Variants in IFI16 observed in about 807,000 individuals in gnomAD.
IFI16 encodes gamma-interferon-inducible protein 16.
In IFI16, 49 loss-of-function variants were observed where a neutral mutation model predicts 68.4. The ratio of observed to expected loss-of-function variants is 0.72; its 90% CI spans 0.57 to 0.91. IFI16 has a LOEUF of 0.91. Ranked by LOEUF, IFI16 falls within the 40% of genes least tolerant of loss-of-function variation. The probability of loss-of-function intolerance (pLI) is 0.00; values close to 1 mark genes in which losing one functional copy is unlikely to be tolerated. For missense variants in IFI16, 878 were observed against 942.9 expected (o/e 0.93, Z 0.90); for synonymous variants, 307 against 315.0 (o/e 0.97, Z 0.27).
At chr1:159,013,273 A>G (rs1015654886) in intron 1 of IFI16, among the ~76,000 whole-genome samples, 1 of 143,350 alleles carries the variant, frequency 7.0e-6, no homozygotes, top group African/African-American at 2.6e-5. Flanking sequence ...GGTTCAAGCA[A>G]TTCTCCTGCC....
At chr1:159,038,680 A>G (rs1202473280) in intron 7 of IFI16, among the ~76,000 whole-genome samples, 1 of 152,178 alleles carries the variant, frequency 6.6e-6, no homozygotes, top group Non-Finnish European at 1.5e-5. Context: ...ATGTTCTTAA[A>G]GTCTTTCATT....
intron 10 of IFI16, chr1:159,053,322 CAAAG>C: frequency 2.6e-6 from 1 of 387,398 alleles, no homozygotes; most frequent in Non-Finnish European, 4.6e-6. Flanking sequence ...ATCCAGCAGA[CAAAG>C]AACTTCAACA....
intron 7 of IFI16, among the ~76,000 whole-genome samples, chr1:159,035,644 CAGGTGAGTATAGTCTTGTT>C (rs1654278227): frequency 6.6e-6 from 1 of 151,904 alleles, no homozygotes; most frequent in Admixed American, 6.6e-5. Context: ...TAGTGACTCG[CAGGTGAGTATAGTCTTGTT>C]CCACTGATCA....
chr1:159,028,716 A>G (rs1026456584), intron 6 of IFI16, among the ~76,000 whole-genome samples: 5 of 151,966 alleles, frequency 3.3e-5, no homozygotes, highest in Non-Finnish European at 4.4e-5. Context: ...GGATTGTGAC[A>G]TTTTCCTATT....
chr1:159,029,602 C>T (rs1251698331), intron 6 of IFI16, among the ~76,000 whole-genome samples: 2 of 151,722 alleles, frequency 1.3e-5, no homozygotes, highest in African/African-American at 2.4e-5. Context: ...TTAGATTTGT[C>T]TTCTTCCTCG....
chr1:159,035,596 A>G (rs1654273741), intron 7 of IFI16, among the ~76,000 whole-genome samples: 1 of 151,926 alleles, frequency 6.6e-6, no homozygotes, highest in African/African-American at 2.4e-5. Context: ...GGTGTCCACT[A>G]TCGTCTGTAA....
intron 5 of IFI16, among the ~76,000 whole-genome samples, chr1:159,019,236 A>C (rs115547330): frequency 6.7e-6 from 1 of 148,642 alleles, no homozygotes; most frequent in East Asian, 2.0e-4. Flanking sequence ...CAGGTAATCT[A>C]AATTTGTCAT....
At chr1:159,053,173 T>C (rs960900768) in intron 10 of IFI16, 1 of 167,088 alleles carries the variant, frequency 6.0e-6, no homozygotes, top group African/African-American at 2.4e-5. Flanking sequence ...GCCTCTATTC[T>C]CTGCTCTTGG....
At chr1:159,018,172 A>G (rs2101821992) in intron 4 of IFI16, 57 bp from the exon 5 acceptor site, 2 of 1,425,460 alleles carry the variant, frequency 1.4e-6, no homozygotes, top group East Asian at 4.6e-5. Flanking sequence ...ACTGAATAGC[A>G]GTTCTGTATT....
chr1:159,041,444 T>C lies in IFI16; in HGVS notation c.1330-3853T>C, dbSNP rs533278123. ...ATCCTCGCAGCAAAGATCAGTTTGC[T>C]GAACAAAAAGATGGAGAGGTTGGTG... On this transcript the variant is annotated intron_variant, in intron 7 of 11. Transcript: ENST00000295809. Among the ~76,000 whole-genome samples the C allele has an allele frequency of 7.2e-5, 11 of 152,286 alleles. No individual in the cohort carries two copies. The South Asian group carries it at 2.1e-3, about 29-fold the overall frequency.
rs768878417 is a variant in IFI16 at position 159,054,905 on chromosome 1, C to A, written c.*4C>A. The A allele has an allele frequency of 5.2e-6, 8 of 1,529,170 alleles. No individual in the cohort carries two copies. In the South Asian group the frequency reaches 9.1e-5, roughly 17 times the overall value. 94.7% of individuals were successfully genotyped at this position (1,529,170 alleles called of 1,614,324 possible). A position where few individuals can be genotyped will look rare whatever the true frequency, so the allele number is the denominator to read the frequency against. ...TTCACCAGACTTTTTCTTCTAAAATCTGGATGTCATTGACGATAATGTTTA... is the reference window on the plus strand; with the variant it reads ...TTCACCAGACTTTTTCTTCTAAAATATGGATGTCATTGACGATAATGTTTA... On this transcript the variant is annotated 3_prime_UTR_variant, in exon 12 of 12. Transcript: ENST00000295809.
At chr1:159,043,913 A>G (rs1571884354) in intron 7 of IFI16, among the ~76,000 whole-genome samples, 2 of 152,286 alleles carry the variant, frequency 1.3e-5, no homozygotes, top group South Asian at 4.1e-4. Flanking sequence ...ATTGCTACAC[A>G]TGGCAGATCT....
At chr1:159,012,820 G>A (rs770204799) in intron 1 of IFI16, among the ~76,000 whole-genome samples, 34 of 152,184 alleles carry the variant, frequency 2.2e-4, no homozygotes, top group Non-Finnish European at 4.6e-4. Context: ...GAAAGAACAG[G>A]AAAGTTTGAA....
upstream of IFI16, among the ~76,000 whole-genome samples, chr1:159,003,793 T>C (rs968135405): frequency 3.3e-5 from 5 of 152,100 alleles, no homozygotes; most frequent in African/African-American, 4.8e-5. Flanking sequence ...CCCGAGTAGC[T>C]GGGACTATAG....
chr1:159,015,445 A>G (rs1180315236), intron 2 of IFI16, among the ~76,000 whole-genome samples: 3 of 152,270 alleles, frequency 2.0e-5, no homozygotes, highest in South Asian at 4.1e-4. Context: ...GTCCAAAATC[A>G]GTATATCCTT....
intron 6 of IFI16, among the ~76,000 whole-genome samples, chr1:159,025,572 A>G (rs544221151): frequency 6.6e-6 from 1 of 152,204 alleles, no homozygotes. Flanking sequence ...GATTCTGGAT[A>G]TTAGTCCTTT....
chr1:159,008,300 A>C (rs1248675430), upstream of IFI16, among the ~76,000 whole-genome samples: 1 of 152,178 alleles, frequency 6.6e-6, no homozygotes, highest in Non-Finnish European at 1.5e-5. Flanking sequence ...TTTATCAGGA[A>C]TTTTTGTATA....
intron 6 of IFI16, among the ~76,000 whole-genome samples, chr1:159,023,463 T>G (rs901845756): frequency 3.9e-5 from 6 of 152,210 alleles, no homozygotes; most frequent in Admixed American, 3.3e-4. Flanking sequence ...AAAAAATTTA[T>G]AGTTACTTAA....
chr1:159,034,208 G>C (rs3768523), intron 7 of IFI16, among the ~76,000 whole-genome samples: 24,982 of 152,134 alleles, frequency 0.16, 2,357 homozygotes, highest in East Asian at 0.3. Context: ...GCAACATAAG[G>C]CTGGGTTTCC....
Sources: allele counts gnomAD v4.1 joint callset (sites outside exome capture counted in the v4.1 genomes callset), GRCh38; gene constraint gnomAD v4.1.1; transcripts MANE v1.5; gene names NCBI Gene and HGNC (gene_info 2026-07-23, HGNC 2026-07-21).